Variants in SYPL2 observed in about 807,000 individuals in gnomAD.
SYPL2 encodes synaptophysin-like protein 2.
In SYPL2, 24 loss-of-function variants were observed where a neutral mutation model predicts 31.3. That is an observed-to-expected ratio of 0.77 (90% CI 0.56 to 1.08). The LOEUF is 1.08. SYPL2 is among the 50% of genes least tolerant of loss of function. The probability of loss-of-function intolerance (pLI) is 0.00; values close to 1 mark genes in which losing one functional copy is unlikely to be tolerated. For synonymous variants in SYPL2, 144 were observed against 143.1 expected, an observed-to-expected ratio of 1.01 and a Z score of -0.05; for missense variants, 342 against 360.1, an observed-to-expected ratio of 0.95 and a Z score of 0.41.
chr1:109,467,187 A>T, intron 2 of SYPL2, 54 bp downstream of exon 2: 1 of 1,407,280 alleles, frequency 7.1e-7, no homozygotes, highest in Non-Finnish European at 9.4e-7. Flanking sequence ...TGTGACGCTG[A>T]CCTGAAGCAA....
Position 109,480,127 on chromosome 1 carries a change from T to C in SYPL2, c.*579T>C, listed in dbSNP as rs1265205386. 6.6e-6 allele frequency: 1 copy of C among 152,574 alleles called. No individual in the cohort carries two copies. The highest frequency in any genetic ancestry group is 1.5e-5 in the Non-Finnish European group (1 of 68,376). The allele number at this position is 152,574 out of a possible 1,614,324, so 9.5% of individuals were successfully genotyped here. A position where few individuals can be genotyped will look rare whatever the true frequency, so the allele number is the denominator to read the frequency against. The stretch of plus-strand genomic sequence containing the variant: ...CTCTGCCTGCCCACAGAATCCACCA[T>C]GTGTGAACCAGAGAGGTCCACCAGC... On this transcript the variant is annotated 3_prime_UTR_variant, in exon 6 of 6. Transcript: ENST00000369872.
chr1:109,473,622 T>G (rs897024767), intron 2 of SYPL2, among the ~76,000 whole-genome samples: 3 of 152,086 alleles, frequency 2.0e-5, no homozygotes, highest in African/African-American at 7.2e-5. Context: ...GGAAACAGGC[T>G]GGGCTCATGC....
chr1:109,476,722 C>T (rs1656007070), intron 3 of SYPL2, 54 bp from the exon 4 acceptor site: 1 of 1,568,382 alleles, frequency 6.4e-7, no homozygotes, highest in Admixed American at 1.7e-5. Flanking sequence ...TACTTCTGGG[C>T]CAGGGAGAGA....
At chr1:109,476,716 TCTGGGCCAGGGAGAGAGAGGATTGC>T in intron 3 of SYPL2, 35 bp from the exon 4 acceptor site, 1 of 1,556,596 alleles carries the variant, frequency 6.4e-7, no homozygotes, top group Non-Finnish European at 8.8e-7. Context: ...CAGGACTACT[TCTGGGCCAGGGAGAGAGAGGATTGC>T]CTGAGCTCAG....
chr1:109,478,826 C>T lies in SYPL2; in HGVS notation c.649-552C>T, dbSNP rs192281904. On this transcript the variant is annotated intron_variant, in intron 5 of 5. Transcript: ENST00000369872. The surrounding 1 kb of genome is among the most constrained non-coding windows in gnomAD (Gnocchi z 4.0). ...ACTTGCTTTATCACATATTTATTCA[C>T]TTCTTCATCCATCAATCCGTCTTGT... Among the ~76,000 whole-genome samples the T allele has an allele frequency of 2.1e-4, 32 of 152,372 alleles. 1 individual carries two copies. Among genetic ancestry groups the T allele is most frequent in the Admixed American group, 2.1e-3 (32 of 15,312 alleles).
Position 109,477,872 on chromosome 1 carries a change from TG to T in SYPL2, c.515del (p.Gly172AlafsTer4), listed in dbSNP as rs1463992803. The T allele has an allele frequency of 6.2e-7, 1 of 1,613,946 alleles. No homozygotes were observed. On this transcript the variant is annotated frameshift_variant, in exon 5 of 6. Coordinates refer to ENST00000369872, the MANE Select transcript of SYPL2 (RefSeq NM_001040709.2). LOFTEE classifies it high-confidence loss of function. The part of the protein sequence containing the change: ...TFFWLVAAAA[W>X]GKGLTDVKGA... ...CTTCTGGCTGGTAGCTGCAGCTGCC[TG>T]GGGCAAGGGCCTGACCGATGTCAAG...
In SYPL2 at chr1:109,479,926, C is replaced by G. The variant is rs1416970514; in HGVS notation, c.*378C>G. 5 of 205,968 alleles carry G rather than the reference C, an allele frequency of 2.4e-5. 1 individual carries two copies. The highest frequency in any genetic ancestry group is 4.9e-5 in the Non-Finnish European group (5 of 102,462). The allele number at this position is 205,968 out of a possible 1,614,324, so 12.8% of individuals were successfully genotyped here. On this transcript the variant is annotated 3_prime_UTR_variant, in exon 6 of 6. Coordinates refer to ENST00000369872, the MANE Select transcript of SYPL2 (RefSeq NM_001040709.2). ...AGCAGCCACCTTTCTGTCAACCTGT[C>G]CGGCTTCAACAATATTAGGGGGAAG...
intron 2 of SYPL2, among the ~76,000 whole-genome samples, chr1:109,469,827 C>CAAAAAAAAAAAA (rs10533137): frequency 1.3e-5 from 1 of 79,196 alleles, no homozygotes; most frequent in African/African-American, 5.2e-5. Flanking sequence ...GACCTTGTCT[C>CAAAAAAAAAAAA]AAAAAAAAAA....
intron 2 of SYPL2, 132 bp downstream of exon 2, chr1:109,467,265 A>G (rs1246144176): frequency 2.4e-4 from 16 of 66,264 alleles, no homozygotes; most frequent in African/African-American, 7.1e-4. Context: ...GGGCGGCGAC[A>G]GGTGGGCGGG....
intron 2 of SYPL2, among the ~76,000 whole-genome samples, chr1:109,471,228 T>C (rs924893100): frequency 7.2e-5 from 11 of 152,230 alleles, no homozygotes; most frequent in African/African-American, 2.7e-4. Flanking sequence ...TGTTCTGCTG[T>C]TCTGTGAACC....
In SYPL2 at chr1:109,478,101, C is replaced by T; in HGVS notation, c.648+92C>T. On this transcript the variant is annotated intron_variant, in intron 5 of 5. Coordinates refer to ENST00000369872, the MANE Select transcript of SYPL2 (RefSeq NM_001040709.2). The surrounding 1 kb of genome is among the most constrained non-coding windows in gnomAD (Gnocchi z 4.0). ...GTCCTGAAAGGAAAGAGAGGGTGTCCCAGAGCTGGTGTCCCCTGCACCTGG... is the reference window on the plus strand; with the variant it reads ...GTCCTGAAAGGAAAGAGAGGGTGTCTCAGAGCTGGTGTCCCCTGCACCTGG... 1 of 1,525,792 alleles carries T rather than the reference C, an allele frequency of 6.6e-7. No individual in the cohort carries two copies. Among genetic ancestry groups the T allele is most frequent in the Non-Finnish European group, 8.8e-7 (1 of 1,137,310 alleles). 94.5% of individuals were successfully genotyped at this position (1,525,792 alleles called of 1,614,324 possible).
intron 2 of SYPL2, among the ~76,000 whole-genome samples, chr1:109,471,881 T>G (rs1480907334): frequency 6.6e-6 from 1 of 151,966 alleles, no homozygotes; most frequent in Non-Finnish European, 1.5e-5. Flanking sequence ...TACTTTTTTT[T>G]TTTGGTAGAG....
intron 2 of SYPL2, among the ~76,000 whole-genome samples, chr1:109,469,713 T>C (rs1246892195): frequency 2.0e-5 from 3 of 150,400 alleles, no homozygotes; most frequent in African/African-American, 7.4e-5. Flanking sequence ...TGATGACACA[T>C]GCTTGTGGTC....
rs1281222612 is a variant in SYPL2 at position 109,478,061 on chromosome 1, TG to T, written c.648+53del. The T allele has an allele frequency of 6.2e-7, 1 of 1,600,014 alleles. No individual in the cohort carries two copies. Among genetic ancestry groups the T allele is most frequent in the East Asian group, 2.2e-5 (1 of 44,478 alleles). On this transcript the variant is annotated intron_variant, in intron 5 of 5. Coordinates refer to ENST00000369872, the MANE Select transcript of SYPL2 (RefSeq NM_001040709.2). The surrounding 1 kb of genome is among the most constrained non-coding windows in gnomAD (Gnocchi z 4.0). ...CAGCACCAGCCCTGCTGCCCAGGCC[TG>T]TCCCAGCTAGCAGGTCCTGAAAGGA...
Position 109,477,936 on chromosome 1 carries a change from C to T in SYPL2, c.575C>T (p.Ser192Leu). The T allele has an allele frequency of 6.2e-7, 1 of 1,614,214 alleles. No homozygotes were observed. Among genetic ancestry groups the T allele is most frequent in the South Asian group, 1.1e-5 (1 of 91,084 alleles). ...CCATCCAGCTTGACAGCAGCCATGT[C>T]AGTGTGCCATGGAGAGGAAGCAGTG... ...TRPSSLTAAM[S>L]VCHGEEAVCS... Residue 192 changes from serine to leucine, a missense_variant, in exon 5 of 6, where the codon TCA (serine) becomes TTA (leucine). Ser to Leu is a moderately radical substitution (Grantham distance 145). Transcript: ENST00000369872.
Position 109,476,862 on chromosome 1 carries a change from C to G in SYPL2, c.341C>G (p.Pro114Arg). The G allele has an allele frequency of 6.2e-7, 1 of 1,614,208 alleles. No homozygotes were observed. Among genetic ancestry groups the G allele is most frequent in the South Asian group, 1.1e-5 (1 of 91,086 alleles). Residue 114 changes from proline (P) to arginine (R), a missense_variant, in exon 4 of 6, where the codon CCC becomes CGC. By Grantham distance (103) the Pro-to-Arg change is moderately radical. Coordinates refer to ENST00000369872, the MANE Select transcript of SYPL2 (RefSeq NM_001040709.2). ...TMHLMGDFSA[P>R]AEFFVTLGIF... ...CACCTCATGGGGGACTTCTCTGCACCCGCCGAGTTCTTCGTGACCCTTGGC... is the reference window on the plus strand; with the variant it reads ...CACCTCATGGGGGACTTCTCTGCACGCGCCGAGTTCTTCGTGACCCTTGGC...
chr1:109,476,672 T>G (rs1656005182), intron 3 of SYPL2, 104 bp from the exon 4 acceptor site: 1 of 1,201,936 alleles, frequency 8.3e-7, no homozygotes, highest in South Asian at 1.4e-5. Context: ...ACCCCTTTCT[T>G]GGCTCTGTAA....
chr1:109,477,874 G>A lies in SYPL2; in HGVS notation c.513G>A (p.Trp171Ter). The A allele has an allele frequency of 1.2e-6, 2 of 1,614,002 alleles. No individual in the cohort carries two copies. The highest frequency in any genetic ancestry group is 1.7e-6 in the Non-Finnish European group (2 of 1,179,934). The part of the protein sequence containing the change: ...TFFWLVAAAA[W>*]GKGLTDVKGA... ...TCTGGCTGGTAGCTGCAGCTGCCTG[G>A]GGCAAGGGCCTGACCGATGTCAAGG... Residue 171 changes from tryptophan (W) to a stop codon, truncating the protein, a stop_gained, in exon 5 of 6, where the codon TGG becomes TGA. Coordinates refer to ENST00000369872, the MANE Select transcript of SYPL2 (RefSeq NM_001040709.2). LOFTEE classifies it high-confidence loss of function.
chr1:109,478,059 C>G lies in SYPL2; in HGVS notation c.648+50C>G. 1 of 1,602,100 alleles carries G rather than the reference C, an allele frequency of 6.2e-7. No individual in the cohort carries two copies. Among genetic ancestry groups the G allele is most frequent in the Non-Finnish European group, 8.5e-7 (1 of 1,174,846 alleles). On this transcript the variant is annotated intron_variant, in intron 5 of 5. Coordinates refer to ENST00000369872, the MANE Select transcript of SYPL2 (RefSeq NM_001040709.2). This position sits in a 1 kb window ranked among gnomAD's most constrained non-coding sequence, Gnocchi z 4.0. Reference sequence around the variant, plus strand: ...AGCAGCACCAGCCCTGCTGCCCAGGCCTGTCCCAGCTAGCAGGTCCTGAAA... The same window carrying G: ...AGCAGCACCAGCCCTGCTGCCCAGGGCTGTCCCAGCTAGCAGGTCCTGAAA...
Sources: gnomAD v4.1 joint callset for allele counts (sites outside exome capture counted in the v4.1 genomes callset) on GRCh38, gnomAD v4.1.1 for gene constraint, Gnocchi (gnomAD v3.1) non-coding constraint, MANE v1.5 for transcripts, NCBI Gene and HGNC (gene_info 2026-07-23, HGNC 2026-07-21) for gene names.